AJAP1: variants seen among roughly 807,000 people sequenced by gnomAD.
AJAP1 encodes the protein adherens junction-associated protein 1.
Under a neutral mutation model 35.0 loss-of-function variants are expected in AJAP1, and 5 were observed. The ratio of observed to expected loss-of-function variants is 0.14; its 90% CI spans 0.07 to 0.30. AJAP1 has a LOEUF of 0.30. AJAP1 is among the 10% of genes least tolerant of loss of function. The probability of loss-of-function intolerance (pLI) is 1.00; values close to 1 mark genes in which losing one functional copy is unlikely to be tolerated. For missense variants in AJAP1, 586 were observed against 571.0 expected, an observed-to-expected ratio of 1.03 and a Z score of -0.27; for synonymous variants, 284 against 249.3, an observed-to-expected ratio of 1.14 and a Z score of -1.31.
At chr1:4,772,738 TG>T (rs1409748934) in intron 4 of AJAP1, among the ~76,000 whole-genome samples, 1 of 152,210 alleles carries the variant, frequency 6.6e-6, no homozygotes, top group Non-Finnish European at 1.5e-5. Flanking sequence ...GAGAATACAG[TG>T]GCTGGAATTT....
intron 2 of AJAP1, among the ~76,000 whole-genome samples, chr1:4,748,005 C>A (rs1474658162): frequency 2.2e-5 from 3 of 139,002 alleles, no homozygotes; most frequent in Non-Finnish European, 3.2e-5. Flanking sequence ...AAAAAAAAAA[C>A]AAAGCAAAAA....
chr1:4,673,883 G>A (rs899571976), intron 1 of AJAP1, among the ~76,000 whole-genome samples: 13 of 151,672 alleles, frequency 8.6e-5, no homozygotes, highest in African/African-American at 3.1e-4. Context: ...GAGAAGTCAG[G>A]GTCTCCGTGA....
chr1:4,696,533 C>T lies in AJAP1; in HGVS notation c.30-15367C>T, dbSNP rs560044730. On this transcript the variant is annotated intron_variant, in intron 1 of 5. Transcript: ENST00000378191. ...GGCAGCCGCCAGGGCAGCTGTATGC[C>T]GGGCTGCATCTGCTCTAGACACTCC... Among the ~76,000 whole-genome samples the T allele has an allele frequency of 3.4e-3, 522 of 152,320 alleles. 6 individuals carry two copies. The highest frequency in any genetic ancestry group is 0.012 in the African/African-American group (489 of 41,578).
chr1:4,700,871 G>T (rs1639972458), intron 1 of AJAP1, among the ~76,000 whole-genome samples: 1 of 152,158 alleles, frequency 6.6e-6, no homozygotes, highest in African/African-American at 2.4e-5. Context: ...GGTCTGGACT[G>T]GCCTCCCCTC....
intron 1 of AJAP1, among the ~76,000 whole-genome samples, chr1:4,680,990 CAA>C (rs894844703): frequency 2.0e-5 from 3 of 152,144 alleles, no homozygotes; most frequent in African/African-American, 7.2e-5. Context: ...GGAAATATAG[CAA>C]AGATAAACTT....
At chr1:4,745,905 C>T (rs1641176075) in intron 2 of AJAP1, among the ~76,000 whole-genome samples, 1 of 152,130 alleles carries the variant, frequency 6.6e-6, no homozygotes. Flanking sequence ...CTGCCACTGA[C>T]CAGACTGCGG....
intron 1 of AJAP1, among the ~76,000 whole-genome samples, chr1:4,703,586 G>A (rs533463816): frequency 3.4e-4 from 51 of 152,236 alleles, no homozygotes; most frequent in African/African-American, 1.1e-3. Context: ...CTGAAATCTC[G>A]CATCCCACCT....
In AJAP1 at chr1:4,734,620, T is replaced by G. The variant is rs889750942; in HGVS notation, c.829+21921T>G. 6.6e-6 allele frequency among the ~76,000 whole-genome samples: 1 copy of G among 152,162 alleles called. No individual in the cohort carries two copies. Among genetic ancestry groups the G allele is most frequent in the Non-Finnish European group, 1.5e-5 (1 of 68,020 alleles). ...TAAGGAGTCTGTCCAGGTCTGCCCA[T>G]GAATGAATGTCAGGCCTCGTCACTG... On this transcript the variant is annotated intron_variant, in intron 2 of 5. Transcript: ENST00000378191. This position sits in a 1 kb window ranked among gnomAD's most constrained non-coding sequence, Gnocchi z 4.3.
chr1:4,753,078 TCTC>T (rs5772180), intron 2 of AJAP1, among the ~76,000 whole-genome samples: 71,651 of 151,618 alleles, frequency 0.47, 18,165 homozygotes, highest in African/African-American at 0.63. Flanking sequence ...CCATGAATCT[TCTC>T]CTTCTTTTAC....
At chr1:4,740,951 C>T (rs908282409) in intron 2 of AJAP1, among the ~76,000 whole-genome samples, 1 of 152,034 alleles carries the variant, frequency 6.6e-6, no homozygotes, top group African/African-American at 2.4e-5. Context: ...TTCATCCTCA[C>T]GAAGACTTGG....
chr1:4,730,525 G>A (rs1640774758), intron 2 of AJAP1, among the ~76,000 whole-genome samples: 2 of 152,342 alleles, frequency 1.3e-5, no homozygotes, highest in Admixed American at 1.3e-4. Flanking sequence ...CGAAGCTGTT[G>A]CGTGTGTGAT....
intron 1 of AJAP1, among the ~76,000 whole-genome samples, chr1:4,704,157 GT>G (rs34590919): frequency 0.028 from 3,995 of 145,254 alleles, 69 homozygotes; most frequent in Non-Finnish European, 0.035. Context: ...AAACGGGGAA[GT>G]TTTTTTTTTT....
At chr1:4,727,966 G>T (rs777191984) in intron 2 of AJAP1, among the ~76,000 whole-genome samples, 5 of 152,204 alleles carry the variant, frequency 3.3e-5, no homozygotes, top group Non-Finnish European at 7.3e-5. Flanking sequence ...GCCCCAGGTG[G>T]TACACGGAGC....
chr1:4,715,271 G>C (rs1386495101), intron 2 of AJAP1, among the ~76,000 whole-genome samples: 2 of 152,254 alleles, frequency 1.3e-5, no homozygotes, highest in Non-Finnish European at 2.9e-5. Flanking sequence ...GCTGCAGTTA[G>C]TTAGCAGGTG....
intron 1 of AJAP1, among the ~76,000 whole-genome samples, chr1:4,707,362 C>T (rs1640123100): frequency 1.3e-5 from 2 of 152,090 alleles, no homozygotes; most frequent in Non-Finnish European, 1.5e-5. Flanking sequence ...TGTGCAGCTA[C>T]CCCCACACAC....
intron 1 of AJAP1, among the ~76,000 whole-genome samples, chr1:4,695,330 G>A (rs910811450): frequency 9.2e-5 from 14 of 152,176 alleles, no homozygotes; most frequent in African/African-American, 3.4e-4. Context: ...AGCACACTGT[G>A]TAGAAGTGGT....
chr1:4,706,670 G>C (rs1386470910), intron 1 of AJAP1, among the ~76,000 whole-genome samples: 1 of 152,178 alleles, frequency 6.6e-6, no homozygotes, highest in Non-Finnish European at 1.5e-5. Flanking sequence ...GCTGCTCCCA[G>C]GAGGCTCACG....
intron 1 of AJAP1, among the ~76,000 whole-genome samples, chr1:4,689,128 G>A (rs547495964): frequency 1.3e-5 from 2 of 152,262 alleles, no homozygotes; most frequent in Middle Eastern, 3.4e-3. Context: ...CTGAGGTCAT[G>A]TAGAGGGAAT....
chr1:4,696,799 C>T (rs1639871460), intron 1 of AJAP1, among the ~76,000 whole-genome samples: 1 of 152,078 alleles, frequency 6.6e-6, no homozygotes, highest in African/African-American at 2.4e-5. Flanking sequence ...GCATGTGTGT[C>T]TCTGCATGTG....
Sources: allele counts gnomAD v4.1 joint callset (sites outside exome capture counted in the v4.1 genomes callset), GRCh38; gene constraint gnomAD v4.1.1; non-coding constraint Gnocchi (gnomAD v3.1); transcripts MANE v1.5; gene names NCBI Gene and HGNC (gene_info 2026-07-23, HGNC 2026-07-21).